Variants in PTPRN2 observed in about 807,000 individuals in gnomAD.
PTPRN2 encodes protein tyrosine phosphatase receptor type N2, also known as receptor-type tyrosine-protein phosphatase N2.
PTPRN2 carries 74 observed loss-of-function variants against 118.8 expected under a neutral mutation model. The observed-to-expected ratio is 0.62, with a 90% CI of 0.52 to 0.76. The LOEUF is 0.76. Among genes scored for constraint, PTPRN2 ranks in the 30% least tolerant of loss-of-function variants. The pLI, the probability that PTPRN2 is intolerant of heterozygous loss-of-function variation, is 0.00. For synonymous variants in PTPRN2, 641 were observed against 608.0 expected, an observed-to-expected ratio of 1.05 and a Z score of -0.80; for missense variants, 1,481 against 1,394.4, an observed-to-expected ratio of 1.06 and a Z score of -0.99.
At chr7:157,806,294 G>C (rs770047068) in intron 12 of PTPRN2, among the ~76,000 whole-genome samples, 1 of 152,110 alleles carries the variant, frequency 6.6e-6, no homozygotes, top group Non-Finnish European at 1.5e-5. Flanking sequence ...TTCGATTTGG[G>C]GGCATTTTGG....
intron 11 of PTPRN2, among the ~76,000 whole-genome samples, chr7:158,057,426 A>T (rs1809874225): frequency 6.6e-6 from 1 of 152,216 alleles, no homozygotes; most frequent in African/African-American, 2.4e-5. Flanking sequence ...TTTTCAGGAC[A>T]AGCATTTGGA....
chr7:158,081,439 A>G (rs1812837198), intron 10 of PTPRN2, 62 bp from the exon 11 acceptor site: 1 of 1,505,248 alleles, frequency 6.6e-7, no homozygotes, highest in Non-Finnish European at 9.2e-7. Context: ...GCTTTTCTGA[A>G]AACGACATGG....
At chr7:157,644,555 T>C (rs1804906288) in intron 14 of PTPRN2, among the ~76,000 whole-genome samples, 1 of 152,194 alleles carries the variant, frequency 6.6e-6, no homozygotes, top group Admixed American at 6.5e-5. Context: ...CCCAGCACTT[T>C]GGGAGGCTGA....
intron 2 of PTPRN2, among the ~76,000 whole-genome samples, chr7:158,341,633 A>C (rs370490911): frequency 9.1e-5 from 2 of 21,878 alleles, no homozygotes; most frequent in Non-Finnish European, 8.0e-5. Context: ...CATAAGAGGT[A>C]ACACATGCAG....
At chr7:157,620,628 C>T (rs1360521376) in intron 15 of PTPRN2, among the ~76,000 whole-genome samples, 1 of 152,216 alleles carries the variant, frequency 6.6e-6, no homozygotes, top group Non-Finnish European at 1.5e-5. Flanking sequence ...GAACATGTCT[C>T]AAGTCACTCG....
intron 2 of PTPRN2, among the ~76,000 whole-genome samples, chr7:158,342,991 G>C (rs1247409561): frequency 2.6e-5 from 4 of 152,240 alleles, no homozygotes; most frequent in Non-Finnish European, 4.4e-5. Flanking sequence ...CTGCGTTGCA[G>C]TGAGCTGAGA....
chr7:158,311,885 G>A (rs1283736244), intron 3 of PTPRN2, among the ~76,000 whole-genome samples: 1 of 120,378 alleles, frequency 8.3e-6, no homozygotes, highest in Non-Finnish European at 1.7e-5. Context: ...CCACACACCT[G>A]CACGTGTAGA....
At chr7:158,420,513 T>C (rs1343308244) in intron 2 of PTPRN2, among the ~76,000 whole-genome samples, 2 of 152,260 alleles carry the variant, frequency 1.3e-5, no homozygotes, top group Non-Finnish European at 2.9e-5. Context: ...ATCAGCATAG[T>C]TGCAAAGCTG....
chr7:158,072,889 A>G (rs578165588), intron 11 of PTPRN2, among the ~76,000 whole-genome samples: 3 of 152,306 alleles, frequency 2.0e-5, no homozygotes, highest in South Asian at 2.1e-4. Context: ...AAAAGTCATA[A>G]TATTTGGACA....
intron 5 of PTPRN2, among the ~76,000 whole-genome samples, chr7:158,168,177 T>C (rs937013442): frequency 1.3e-5 from 2 of 152,230 alleles, no homozygotes; most frequent in African/African-American, 4.8e-5. Context: ...GTTTTTACTA[T>C]GGTTGTCCTA....
chr7:158,262,499 A>G (rs1471211894), intron 3 of PTPRN2, among the ~76,000 whole-genome samples: 1 of 51,160 alleles, frequency 2.0e-5, no homozygotes, highest in Non-Finnish European at 4.9e-5. Context: ...ACATACATGC[A>G]CACACACTGC....
At position 157,611,373 on chromosome 7, in the gene PTPRN2, T is replaced by G. The variant is rs186868675; in HGVS notation, c.2345-7298A>C. 2.0e-5 allele frequency among the ~76,000 whole-genome samples: 3 copies of G among 152,130 alleles called. No individual in the cohort carries two copies. Among genetic ancestry groups the G allele is most frequent in the East Asian group, 3.9e-4 (2 of 5,168 alleles). On this transcript the variant is annotated intron_variant, in intron 15 of 22. Transcript: ENST00000389418. The surrounding 1 kb of genome is among the most constrained non-coding windows in gnomAD (Gnocchi z 5.9). ...ACACTAGTCTCATCTCAGGCATCTG[T>G]GTAGAAGGAACTCCCCAGGCAGGGC...
chr7:157,596,115 A>G lies in PTPRN2; in HGVS notation c.2419-800T>C, dbSNP rs766071610. Among the ~76,000 whole-genome samples the G allele has an allele frequency of 6.6e-6, 1 of 152,240 alleles. No homozygotes were observed. The highest frequency in any genetic ancestry group is 1.5e-5 in the Non-Finnish European group (1 of 68,044). ...AGGCTGAGCTCCAAGCTCTCAATGG[A>G]GAGTGTGAACAGGGTTCCTCCAGGC... On this transcript the variant is annotated intron_variant, in intron 16 of 22. Coordinates refer to ENST00000389418, the MANE Select transcript of PTPRN2 (RefSeq NM_002847.5). The surrounding 1 kb of genome is among the most constrained non-coding windows in gnomAD (Gnocchi z 4.2).
chr7:158,002,807 A>G (rs1805367155), intron 11 of PTPRN2, among the ~76,000 whole-genome samples: 1 of 152,358 alleles, frequency 6.6e-6, no homozygotes. Context: ...TCCACGGAGC[A>G]GGAGCCACAC....
intron 3 of PTPRN2, among the ~76,000 whole-genome samples, chr7:158,271,100 C>CA (rs1798484232): frequency 1.4e-5 from 2 of 138,066 alleles, no homozygotes; most frequent in East Asian, 2.1e-4. Context: ...ACCTGGGCTG[C>CA]CCCCTCCACC....
rs1032098682 is a variant in PTPRN2 at position 157,674,694 on chromosome 7, G to A, written c.2001+8031C>T. On this transcript the variant is annotated intron_variant, in intron 13 of 22. Transcript: ENST00000389418. The surrounding 1 kb of genome is among the most constrained non-coding windows in gnomAD (Gnocchi z 4.5). ...AGAAGAAGGTCTGCTTTACAGCAACGGCCTGAGGACCCTCGGCCCCAAGGT... is the reference window on the plus strand; with the variant it reads ...AGAAGAAGGTCTGCTTTACAGCAACAGCCTGAGGACCCTCGGCCCCAAGGT... 1.3e-5 allele frequency among the ~76,000 whole-genome samples: 2 copies of A among 152,182 alleles called. No homozygotes were observed. The highest frequency in any genetic ancestry group is 2.9e-5 in the Non-Finnish European group (2 of 68,040).
chr7:157,984,501 C>A (rs1216452798), intron 11 of PTPRN2, among the ~76,000 whole-genome samples: 1 of 150,836 alleles, frequency 6.6e-6, no homozygotes, highest in Non-Finnish European at 1.5e-5. Flanking sequence ...CCCAAGCCAG[C>A]GGCACCGGTT....
At chr7:157,662,443 G>A (rs1795935078) in intron 13 of PTPRN2, among the ~76,000 whole-genome samples, 1 of 152,226 alleles carries the variant, frequency 6.6e-6, no homozygotes, top group African/African-American at 2.4e-5. Flanking sequence ...GCCACCCAGA[G>A]CTGGGCACGA....
intron 14 of PTPRN2, among the ~76,000 whole-genome samples, chr7:157,642,121 T>A (rs1159176254): frequency 1.3e-5 from 2 of 152,242 alleles, no homozygotes; most frequent in African/African-American, 4.8e-5. Context: ...AGACGTCTTC[T>A]AGCAAAAGAA....
Sources: allele counts gnomAD v4.1 joint callset (sites outside exome capture counted in the v4.1 genomes callset), GRCh38; gene constraint gnomAD v4.1.1; non-coding constraint Gnocchi (gnomAD v3.1); transcripts MANE v1.5; gene names NCBI Gene and HGNC (gene_info 2026-07-23, HGNC 2026-07-21).